MEF2C: variants seen among roughly 807,000 people sequenced by gnomAD.
MEF2C encodes the protein myocyte-specific enhancer factor 2C.
In MEF2C, 6 loss-of-function variants were observed where a neutral mutation model predicts 50.5. The observed-to-expected ratio is 0.12, with a 90% CI of 0.07 to 0.23. The LOEUF is 0.23. MEF2C is among the 10% of genes least tolerant of loss of function. MEF2C has a pLI of 1.00. For missense variants in MEF2C, 276 were observed against 605.0 expected (o/e 0.46, Z 5.70); for synonymous variants, 183 against 228.0 (o/e 0.80, Z 1.78).
chr5:88,775,625 A>G (rs572513385), intron 3 of MEF2C: 1 of 171,464 alleles, frequency 5.8e-6, no homozygotes, highest in African/African-American at 2.4e-5. Flanking sequence ...ATCTCAATTT[A>G]TTTTCCTTAT....
intron 6 of MEF2C, chr5:88,733,035 C>A: frequency 1.0e-6 from 1 of 973,532 alleles, no homozygotes; most frequent in Non-Finnish European, 1.2e-6. Context: ...TTGTGGTAAT[C>A]CAATACATAC....
intron 2 of MEF2C, among the ~76,000 whole-genome samples, chr5:88,816,465 CTTTT>C (rs70996497): frequency 3.5e-5 from 3 of 86,140 alleles, no homozygotes; most frequent in East Asian, 7.6e-4. Context: ...CTGCCTACTG[CTTTT>C]TTTTTTTTTT....
chr5:88,734,561 G>GTTTTTTTTTTTTTTTTTTTTTTTTTT (rs1554103551), intron 6 of MEF2C: 3 of 244,240 alleles, frequency 1.2e-5, no homozygotes, highest in Non-Finnish European at 9.9e-6. Flanking sequence ...CTTGAGAAAA[G>GTTTTTTTTTTTTTTTTTTTTTTTTTT]TTTGTTTTTT....
intron 1 of MEF2C, among the ~76,000 whole-genome samples, chr5:88,862,136 A>G (rs1825708484): frequency 6.6e-6 from 1 of 152,242 alleles, no homozygotes; most frequent in Admixed American, 6.5e-5. Flanking sequence ...ATTTTGTTCC[A>G]TTATATAACT....
intron 3 of MEF2C, among the ~76,000 whole-genome samples, chr5:88,787,400 A>G (rs929681863): frequency 1.3e-5 from 2 of 151,914 alleles, no homozygotes; most frequent in African/African-American, 4.8e-5. Flanking sequence ...ATAACCTGCA[A>G]TCCTCATGAC....
At chr5:88,748,782 T>C (rs772878433) in intron 6 of MEF2C, 7 of 985,328 alleles carry the variant, frequency 7.1e-6, no homozygotes, top group Non-Finnish European at 8.4e-6. Flanking sequence ...GGTACTCTTG[T>C]GTCCAAGGAT....
intron 1 of MEF2C, among the ~76,000 whole-genome samples, chr5:88,896,338 C>T (rs1384746933): frequency 6.6e-6 from 1 of 152,176 alleles, no homozygotes; most frequent in Admixed American, 6.5e-5. Flanking sequence ...ACCCTGTGTG[C>T]TCTCCCTTCT....
At chr5:88,864,505 T>G (rs1170141890) in intron 1 of MEF2C, among the ~76,000 whole-genome samples, 1 of 151,278 alleles carries the variant, frequency 6.6e-6, no homozygotes. Context: ...ATTTGTATAT[T>G]TGTAATATGT....
At chr5:88,735,851 G>A (rs1177268396) in intron 6 of MEF2C, 3 of 985,400 alleles carry the variant, frequency 3.0e-6, no homozygotes, top group South Asian at 4.7e-5. Context: ...ACTTGAACAT[G>A]TAGCTCTCTT....
intron 1 of MEF2C, among the ~76,000 whole-genome samples, chr5:88,902,740 G>A (rs10037690): frequency 0.18 from 27,441 of 151,466 alleles, 2,676 homozygotes; most frequent in Admixed American, 0.26. Flanking sequence ...CATAGTATTA[G>A]TAATTTATAT....
At chr5:88,901,884 A>T (rs1014961220) in intron 1 of MEF2C, among the ~76,000 whole-genome samples, 8 of 151,968 alleles carry the variant, frequency 5.3e-5, no homozygotes, top group African/African-American at 1.9e-4. Context: ...TTATTTTGAA[A>T]TATTTGAGCT....
chr5:88,727,952 A>G (rs1044537201), intron 10 of MEF2C, among the ~76,000 whole-genome samples: 1 of 152,018 alleles, frequency 6.6e-6, no homozygotes, highest in African/African-American at 2.4e-5. Flanking sequence ...AATTATTTTT[A>G]TATCCAAATT....
chr5:88,876,708 A>G (rs1190076863), intron 1 of MEF2C, among the ~76,000 whole-genome samples: 1 of 152,048 alleles, frequency 6.6e-6, no homozygotes, highest in Non-Finnish European at 1.5e-5. Context: ...ACTTGCTGAA[A>G]GAATCACAGG....
chr5:88,837,920 T>A (rs1815809101), intron 1 of MEF2C, among the ~76,000 whole-genome samples: 1 of 152,202 alleles, frequency 6.6e-6, no homozygotes, highest in Non-Finnish European at 1.5e-5. Flanking sequence ...ACTCTAATCC[T>A]CAAAACAGCC....
chr5:88,830,480 A>G (rs901663468), intron 1 of MEF2C, among the ~76,000 whole-genome samples: 8 of 152,098 alleles, frequency 5.3e-5, no homozygotes, highest in Non-Finnish European at 1.0e-4. Flanking sequence ...ATTGCATTAT[A>G]AACAATTTAA....
At position 88,719,223 on chromosome 5, in the gene MEF2C, C is replaced by T. The variant is rs1004444310; in HGVS notation, c.*3381G>A. The stretch of plus-strand genomic sequence containing the variant: ...TTGGAATTTTGTTTTTTCATTCTCA[C>T]TTTAGTTAACTTTTAAATGATCTGG... On this transcript the variant is annotated 3_prime_UTR_variant, in exon 11 of 11. Transcript: ENST00000504921. 3 of 152,104 alleles carry T rather than the reference C, an allele frequency of 2.0e-5. No individual in the cohort carries two copies. The highest frequency in any genetic ancestry group is 4.4e-5 in the Non-Finnish European group (3 of 67,998). 9.4% of individuals were successfully genotyped at this position (152,104 alleles called of 1,614,324 possible).
At chr5:88,788,621 C>T (rs1027482481) in intron 3 of MEF2C, among the ~76,000 whole-genome samples, 1 of 152,186 alleles carries the variant, frequency 6.6e-6, no homozygotes, top group Admixed American at 6.5e-5. Flanking sequence ...CCACTAGTCA[C>T]ATCTTGCTTG....
intron 2 of MEF2C, among the ~76,000 whole-genome samples, chr5:88,808,390 C>T (rs867724081): frequency 3.8e-4 from 58 of 152,240 alleles, no homozygotes; most frequent in African/African-American, 1.2e-3. Flanking sequence ...CAGAATTTTG[C>T]ACGTTACAAC....
intron 3 of MEF2C, chr5:88,771,494 C>T (rs967744241): frequency 2.0e-6 from 2 of 985,232 alleles, no homozygotes; most frequent in African/African-American, 3.5e-5. Context: ...AGTCCTTGAC[C>T]TCTTTTTTAT....
Sources: allele counts gnomAD v4.1 joint callset (sites outside exome capture counted in the v4.1 genomes callset), GRCh38; gene constraint gnomAD v4.1.1; transcripts MANE v1.5; gene names NCBI Gene and HGNC (gene_info 2026-07-23, HGNC 2026-07-21).